NTRK1: variants seen among roughly 807,000 people sequenced by gnomAD.
The protein encoded by NTRK1 is neurotrophic receptor tyrosine kinase 1.
NTRK1 carries 62 observed loss-of-function variants against 86.8 expected under a neutral mutation model. That is an observed-to-expected ratio of 0.71 (90% confidence interval 0.58 to 0.88). The LOEUF (loss-of-function observed/expected upper bound fraction) is 0.88. NTRK1 is among the 40% of genes least tolerant of loss of function. The probability of loss-of-function intolerance (pLI) is 0.00; values close to 1 mark genes in which losing one functional copy is unlikely to be tolerated. For missense variants in NTRK1, 967 were observed against 1,078.4 expected (o/e 0.90, Z 1.45); for synonymous variants, 469 against 456.6 (o/e 1.03, Z -0.35).
chr1:156,842,478 G>A (rs1654837428), intron 2 of NTRK1: 1 of 1,613,974 alleles, frequency 6.2e-7, no homozygotes, highest in African/African-American at 1.3e-5. Context: ...AGAGTTGGCT[G>A]GCCCTGAGAT....
intron 2 of NTRK1, chr1:156,851,369 T>A: frequency 6.2e-7 from 1 of 1,614,078 alleles, no homozygotes; most frequent in South Asian, 1.1e-5. Flanking sequence ...GAGTGCTTGA[T>A]TTTGAGGAAG....
chr1:156,816,441 CCTCCTCT>C (rs564863755), intron 1 of NTRK1, among the ~76,000 whole-genome samples: 10 of 152,180 alleles, frequency 6.6e-5, no homozygotes, highest in Non-Finnish European at 1.2e-4. Context: ...CCTCCTGCTC[CCTCCTCT>C]CTCCTCTCTG....
chr1:156,864,985 A>G (rs1023293465), intron 3 of NTRK1, 186 bp downstream of exon 3: 7 of 658,640 alleles, frequency 1.1e-5, no homozygotes, highest in African/African-American at 5.3e-5. Context: ...CGCCCCTGAC[A>G]GCTAGAGGTC....
chr1:156,845,888 C>G (rs1042655306), intron 2 of NTRK1: 5 of 1,598,008 alleles, frequency 3.1e-6, no homozygotes, highest in Admixed American at 3.5e-5. Context: ...CTGCCGGGGC[C>G]CTGCGCCTCC....
intron 13 of NTRK1, 87 bp downstream of exon 13, chr1:156,876,297 G>A (rs2102918439): frequency 1.9e-6 from 3 of 1,610,774 alleles, no homozygotes; most frequent in Non-Finnish European, 2.5e-6. Flanking sequence ...GGGAGATGCA[G>A]AGGGCTGACA....
At chr1:156,817,582 C>T (rs1176763561) in intron 1 of NTRK1, among the ~76,000 whole-genome samples, 1 of 151,226 alleles carries the variant, frequency 6.6e-6, no homozygotes, top group Non-Finnish European at 1.5e-5. Context: ...TCCAGCTAAG[C>T]AGGTCATCAT....
At chr1:156,844,674 CG>C in intron 2 of NTRK1, 1 of 1,613,898 alleles carries the variant, frequency 6.2e-7, no homozygotes, top group South Asian at 1.1e-5. Context: ...AGGCACAAAA[CG>C]GGGCTGGGAC....
rs2102917104 is a variant in NTRK1, at chr1:156,876,078, A to G, written c.1502-2A>G. On this transcript the variant is annotated splice_acceptor_variant, in intron 12 of 16. Transcript: ENST00000524377. LOFTEE classifies it high-confidence loss of function. ...ACCGTCTGACCCTGCAAGCCCCCTC[A>G]GGTGTTCACCACATCAAGCGCCGGG... is the stretch of plus-strand genomic sequence containing the variant. The G allele has an allele frequency of 6.2e-7, 1 of 1,614,146 alleles. No homozygotes were observed. The highest frequency in any genetic ancestry group is 8.5e-7 in the Non-Finnish European group (1 of 1,180,006).
At chr1:156,825,850 G>T (rs114060077) in intron 1 of NTRK1, among the ~76,000 whole-genome samples, 1 of 152,142 alleles carries the variant, frequency 6.6e-6, no homozygotes, top group African/African-American at 2.4e-5. Context: ...GTGCTTTACC[G>T]GTCTGAACTC....
chr1:156,869,018 C>CCTTCCTTCCTTCCTTCCTT lies in NTRK1; in HGVS notation c.717+372_717+373insTTCCTTCCTTCCTTCCTTC, dbSNP rs148489988. Among the ~76,000 whole-genome samples, 45 of 43,560 alleles carry CCTTCCTTCCTTCCTTCCTT rather than the reference C, an allele frequency of 1.0e-3. 6 individuals are homozygous for CCTTCCTTCCTTCCTTCCTT. Among genetic ancestry groups the CCTTCCTTCCTTCCTTCCTT allele is most frequent in the Admixed American group, 1.6e-3 (8 of 4,934 alleles). 28.6% of individuals were successfully genotyped at this position (43,560 alleles called of 152,430 possible). On this transcript the variant is annotated intron_variant, in intron 6 of 16. Transcript: ENST00000524377. ...CCTCCCGTACATCACTTTTCTCTCT[C>CCTTCCTTCCTTCCTTCCTT]CCTTCCTTCCTTCCTTCCTTCCTTC...
Position 156,854,783 on chromosome 1 carries a change from G to C in NTRK1, c.51-9571G>C, listed in dbSNP as rs983305058. On this transcript the variant is annotated intron_variant, in intron 2 of 16. Coordinates refer to the NTRK1 transcript ENST00000392302. The surrounding 1 kb of genome is among the most constrained non-coding windows in gnomAD (Gnocchi z 4.2). ...CATAGCCTCCCAAACTGTCTCCCCAGTTCCACCCTTGTCCCTCTATGGGCC... is the reference window on the plus strand; with the variant it reads ...CATAGCCTCCCAAACTGTCTCCCCACTTCCACCCTTGTCCCTCTATGGGCC... 3.3e-5 allele frequency among the ~76,000 whole-genome samples: 5 copies of C among 151,990 alleles called. No individual in the cohort carries two copies. The highest frequency in any genetic ancestry group is 9.7e-5 in the African/African-American group (4 of 41,370).
chr1:156,828,018 GC>G (rs1235158339), intron 1 of NTRK1, among the ~76,000 whole-genome samples: 1 of 151,132 alleles, frequency 6.6e-6, no homozygotes, highest in Non-Finnish European at 1.5e-5. Flanking sequence ...TCACTATGTT[GC>G]CCAGGCTGGT....
intron 2 of NTRK1, chr1:156,844,320 T>G (rs1230998552): frequency 6.3e-7 from 1 of 1,580,842 alleles, no homozygotes; most frequent in Admixed American, 1.7e-5. Flanking sequence ...GTCAAAGATG[T>G]AGAAGTCAGA....
chr1:156,876,349 C>T (rs1647906917), intron 13 of NTRK1, 51 bp from the exon 14 acceptor site: 1 of 1,611,666 alleles, frequency 6.2e-7, no homozygotes, highest in Non-Finnish European at 8.5e-7. Flanking sequence ...GGGTGAACAG[C>T]AGTGAGGGCT....
chr1:156,858,327 T>C (rs1655482345), upstream of NTRK1, among the ~76,000 whole-genome samples: 1 of 152,154 alleles, frequency 6.6e-6, no homozygotes, highest in Non-Finnish European at 1.5e-5. Flanking sequence ...GTTTTGAAGC[T>C]CTTCTCATCT....
At chr1:156,825,030 C>G (rs4127047) in intron 1 of NTRK1, among the ~76,000 whole-genome samples, 86,222 of 151,926 alleles carry the variant, frequency 0.57, 26,371 homozygotes, top group East Asian at 0.82. Context: ...GCTGGGATTA[C>G]AGGCATGCGC....
chr1:156,875,834 A>G, intron 12 of NTRK1, 168 bp downstream of exon 12: 1 of 1,178,050 alleles, frequency 8.5e-7, no homozygotes, highest in Non-Finnish European at 1.2e-6. Context: ...GGCTGAGTCC[A>G]GCCTGGCTCT....
chr1:156,868,615 C>T lies in NTRK1; in HGVS notation c.685C>T (p.Leu229Phe), dbSNP rs1347000474. 6.4e-7 allele frequency: 1 copy of T among 1,551,092 alleles called. No individual in the cohort carries two copies. The highest frequency in any genetic ancestry group is 8.7e-7 in the Non-Finnish European group (1 of 1,147,040). Residue 229 changes from leucine (L) to phenylalanine (F), a missense_variant, in exon 6 of 17, where the codon CTC (leucine) becomes TTC (phenylalanine). Leu to Phe is a conservative substitution (Grantham distance 22). Transcript: ENST00000524377. ...GRGLEQAGWI[L>F]TELEQSATVM... ...GGGCCTGGAGCAGGCCGGCTGGATC[C>T]TCACAGAGCTGGAGCAGTCAGCCAC...
At chr1:156,853,670 C>G in intron 2 of NTRK1, 3 of 1,356,670 alleles carry the variant, frequency 2.2e-6, no homozygotes, top group South Asian at 2.7e-5. Flanking sequence ...AAAGTACTGA[C>G]CCACACCATC....
Sources: allele counts gnomAD v4.1 joint callset (sites outside exome capture counted in the v4.1 genomes callset), GRCh38; gene constraint gnomAD v4.1.1; non-coding constraint Gnocchi (gnomAD v3.1); transcripts MANE v1.5; gene names NCBI Gene and HGNC (gene_info 2026-07-23, HGNC 2026-07-21).